The following ZNF100 variants were observed in gnomAD, a reference collection of about 807,000 sequenced individuals.
ZNF100 encodes the protein zinc finger protein 100 (Y1).
A neutral mutation model predicts 15.8 loss-of-function variants in ZNF100; 12 were observed. That is an observed-to-expected ratio of 0.76 (90% CI 0.49 to 1.23). The LOEUF (loss-of-function observed/expected upper bound fraction) is 1.23. ZNF100 is among the 50% of genes most tolerant of loss of function. The pLI is 0.00. For missense variants in ZNF100, 670 were observed against 635.6 expected (o/e 1.05, Z -0.58); for synonymous variants, 226 against 214.8 (o/e 1.05, Z -0.45).
At position 21,727,296 on chromosome 19, in the gene ZNF100, T is replaced by A. The variant is rs2035817659; in HGVS notation, c.1016A>T (p.His339Leu). Residue 339 changes from histidine (H) to leucine (L), a missense_variant, in exon 5 of 5, where the codon CAT becomes CTT. Transcript: ENST00000358296. ...ACATTTGTAGGGTTTCTCTCCAGTA[T>A]GAATTATCCTGTGTGTAGTAAGGTG... is the stretch of plus-strand genomic sequence containing the variant. The part of the protein sequence containing the change: ...SSHLTTHRII[H>L]TGEKPYKCEE... 1 of 1,613,104 alleles carries A rather than the reference T, an allele frequency of 6.2e-7. No individual in the cohort carries two copies. The highest frequency in any genetic ancestry group is 1.7e-5 in the Admixed American group (1 of 59,986).
chr19:21,727,574 T>G lies in ZNF100; in HGVS notation c.738A>C (p.Ser246=), dbSNP rs747080773. ...KDCGKAFNWF[S]TLTTHRRIHT... ...GAATTCTCCTGTGTGTAGTAAGGGTTGAGAACCAGTTGAAGGCTTTGCCAC... is the reference window on the plus strand; with the variant it reads ...GAATTCTCCTGTGTGTAGTAAGGGTGGAGAACCAGTTGAAGGCTTTGCCAC... The change falls in exon 5 of 5, where the codon TCA becomes TCC. Residue 246 remains serine, a synonymous_variant. Transcript: ENST00000358296. The G allele has an allele frequency of 2.5e-6, 4 of 1,613,806 alleles. No individual in the cohort carries two copies. In the South Asian group the frequency reaches 4.4e-5, roughly 18 times the overall value.
chr19:21,767,377 C>A, intron 1 of ZNF100, 50 bp downstream of exon 1: 1 of 1,609,920 alleles, frequency 6.2e-7, no homozygotes, highest in Non-Finnish European at 8.5e-7. Context: ...CCCACCAGTT[C>A]CAACCAGCCC....
intron 4 of ZNF100, among the ~76,000 whole-genome samples, chr19:21,728,538 TAAG>T (rs1221506312): frequency 1.3e-5 from 2 of 152,054 alleles, no homozygotes; most frequent in African/African-American, 2.4e-5. Context: ...TGATTATTAT[TAAG>T]AAGAAACATG....
intron 2 of ZNF100, among the ~76,000 whole-genome samples, chr19:21,762,384 G>A (rs11085492): frequency 0.76 from 115,685 of 152,174 alleles, 45,197 homozygotes; most frequent in Non-Finnish European, 0.85. Flanking sequence ...AGTTTCCTTG[G>A]AAGAATTTTG....
chr19:21,767,276 T>C, intron 1 of ZNF100, 151 bp downstream of exon 1: 2 of 1,354,696 alleles, frequency 1.5e-6, no homozygotes, highest in Non-Finnish European at 1.0e-6. Context: ...GCAGCCGCCA[T>C]CTTATGGCCG....
At chr19:21,728,817 C>T (rs12973798) in intron 4 of ZNF100, among the ~76,000 whole-genome samples, 13,982 of 150,950 alleles carry the variant, frequency 0.093, 861 homozygotes, top group South Asian at 0.18. Context: ...GTATACACAC[C>T]GATTTTAAAA....
chr19:21,732,109 T>C (rs1315885962), intron 4 of ZNF100, among the ~76,000 whole-genome samples: 2 of 151,590 alleles, frequency 1.3e-5, no homozygotes, highest in East Asian at 3.9e-4. Context: ...AGGCGGAGGT[T>C]GCAGCGAGCC....
chr19:21,751,337 G>A, intron 2 of ZNF100: 1 of 859,184 alleles, frequency 1.2e-6, no homozygotes, highest in Non-Finnish European at 2.0e-6. Context: ...GGATATTTTT[G>A]ATGAGAGATC....
intron 4 of ZNF100, among the ~76,000 whole-genome samples, chr19:21,740,706 A>G (rs1227964591): frequency 6.6e-6 from 1 of 152,218 alleles, no homozygotes; most frequent in African/African-American, 2.4e-5. Context: ...ACACGTAAAA[A>G]TAAAAATGAA....
chr19:21,761,027 G>C (rs2036476084), intron 2 of ZNF100, among the ~76,000 whole-genome samples: 1 of 152,000 alleles, frequency 6.6e-6, no homozygotes, highest in South Asian at 2.1e-4. Flanking sequence ...CAAAGTGCTG[G>C]CATTACAGGG....
chr19:21,731,883 C>T (rs2035926014), intron 4 of ZNF100, among the ~76,000 whole-genome samples: 1 of 152,024 alleles, frequency 6.6e-6, no homozygotes, highest in Admixed American at 6.6e-5. Flanking sequence ...TTTAGCTTTG[C>T]AAGATAAAAC....
intron 1 of ZNF100, among the ~76,000 whole-genome samples, chr19:21,766,331 C>T (rs2036560718): frequency 6.6e-6 from 1 of 150,976 alleles, no homozygotes; most frequent in African/African-American, 2.4e-5. Context: ...AAAAATGCAG[C>T]AGAAAATCAG....
intron 4 of ZNF100, among the ~76,000 whole-genome samples, chr19:21,739,440 C>A (rs781658858): frequency 4.6e-5 from 7 of 151,724 alleles, no homozygotes; most frequent in Non-Finnish European, 8.8e-5. Context: ...TCCATAGTCT[C>A]AGCTACTCAG....
At chr19:21,767,058 G>A (rs961951619) in intron 1 of ZNF100, among the ~76,000 whole-genome samples, 4 of 152,122 alleles carry the variant, frequency 2.6e-5, no homozygotes, top group Admixed American at 6.6e-5. Flanking sequence ...GAGAAAAGAG[G>A]AACTGGGAAA....
At chr19:21,766,816 A>G (rs2036570862) in intron 1 of ZNF100, among the ~76,000 whole-genome samples, 1 of 151,970 alleles carries the variant, frequency 6.6e-6, no homozygotes, top group African/African-American at 2.4e-5. Context: ...ACGAGGTGAA[A>G]CCCCGTCCCA....
chr19:21,735,479 C>T (rs139780153), intron 4 of ZNF100, among the ~76,000 whole-genome samples: 6 of 128,170 alleles, frequency 4.7e-5, no homozygotes, highest in Non-Finnish European at 7.8e-5. Flanking sequence ...CCAGCCTGGG[C>T]GACCGTGTAA....
chr19:21,747,083 T>C (rs10421113), intron 2 of ZNF100, among the ~76,000 whole-genome samples: 115,589 of 151,990 alleles, frequency 0.76, 45,171 homozygotes, highest in Non-Finnish European at 0.85. Context: ...TCTCCTTTCC[T>C]GTCTCAGGTG....
At chr19:21,755,023 A>T (rs1361214363) in intron 2 of ZNF100, among the ~76,000 whole-genome samples, 1 of 152,252 alleles carries the variant, frequency 6.6e-6, no homozygotes, top group Admixed American at 6.5e-5. Flanking sequence ...TGGCCAACAA[A>T]CATGAAAATA....
At chr19:21,746,571 C>T (rs911670413) in intron 2 of ZNF100, among the ~76,000 whole-genome samples, 2 of 152,044 alleles carry the variant, frequency 1.3e-5, no homozygotes, top group Admixed American at 6.6e-5. Context: ...TTTAATAGTG[C>T]AGATCATAAA....
Sources: gnomAD v4.1 joint callset for allele counts (sites outside exome capture counted in the v4.1 genomes callset) on GRCh38, gnomAD v4.1.1 for gene constraint, MANE v1.5 for transcripts, NCBI Gene and HGNC (gene_info 2026-07-23, HGNC 2026-07-21) for gene names.